Variants in ZCCHC4 observed in about 807,000 individuals in gnomAD.
ZCCHC4 encodes zinc finger CCHC-type containing 4.
In ZCCHC4, 54 loss-of-function variants were observed where a neutral mutation model predicts 67.7. That is an observed-to-expected ratio of 0.80 (90% CI 0.64 to 1.00). The LOEUF (loss-of-function observed/expected upper bound fraction) is 1.00. Among genes scored for constraint, ZCCHC4 ranks in the 50% least tolerant of loss-of-function variants. ZCCHC4 has a pLI of 0.00. For missense variants in ZCCHC4, 609 were observed against 617.0 expected, an observed-to-expected ratio of 0.99 and a Z score of 0.14; for synonymous variants, 198 against 213.5, an observed-to-expected ratio of 0.93 and a Z score of 0.63.
intron 8 of ZCCHC4, chr4:25,352,122 C>T (rs1046087902): frequency 2.1e-5 from 21 of 986,688 alleles, no homozygotes; most frequent in Non-Finnish European, 2.3e-5. Context: ...ATGCCATGCA[C>T]ACTTTACTGC....
chr4:25,364,425 A>G, intron 10 of ZCCHC4, 29 bp from the exon 11 acceptor site: 2 of 1,453,008 alleles, frequency 1.4e-6, no homozygotes, highest in South Asian at 1.5e-5. Context: ...AATTAATTAT[A>G]ATTTAAAAAT....
In ZCCHC4 at chr4:25,314,150, T is replaced by A. The variant is rs1331697952; in HGVS notation, c.232T>A (p.Trp78Arg). Reference sequence around the variant, plus strand: ...TAGAAAAGACTGTAATTTTTTTCAGTGGGAAGATGAAAAGGTATATCAACT... The same window carrying A: ...TAGAAAAGACTGTAATTTTTTTCAGAGGGAAGATGAAAAGGTATATCAACT... The part of the protein sequence containing the change: ...RDRKDCNFFQ[W>R]EDEKLSGARL... The change falls in exon 2 of 13, where the codon TGG (tryptophan) becomes AGG (arginine). Residue 78 changes from tryptophan (W) to arginine (R), a missense_variant. By Grantham distance (101) the Trp-to-Arg change is moderately radical. Coordinates refer to ENST00000302874, the MANE Select transcript of ZCCHC4 (RefSeq NM_024936.3). The A allele has an allele frequency of 6.3e-7, 1 of 1,592,852 alleles. No individual in the cohort carries two copies. The highest frequency in any genetic ancestry group is 1.7e-4 in the Middle Eastern group (1 of 5,970).
rs370408376 is a variant in ZCCHC4, at chr4:25,363,533, AAGTTT to A, written c.1210-915_1210-911del. On this transcript the variant is annotated intron_variant, in intron 10 of 12. Transcript: ENST00000302874. ...TAAATCTGGTCAGAAAGGGCCTGTG[AAGTTT>A]AGTTTGGCTCATAAACACAAATTAT... is the stretch of plus-strand genomic sequence containing the variant. 4.1e-4 allele frequency among the ~76,000 whole-genome samples: 63 copies of A among 152,302 alleles called. 1 individual carries two copies. In the East Asian group the frequency reaches 6.0e-3, roughly 14 times the overall value.
At chr4:25,318,803 G>GA (rs371011239) in intron 3 of ZCCHC4, among the ~76,000 whole-genome samples, 7 of 150,994 alleles carry the variant, frequency 4.6e-5, no homozygotes, top group African/African-American at 1.7e-4. Context: ...TTTTTGGGGG[G>GA]CCATAATTTC....
chr4:25,360,545 C>T (rs554022539), intron 8 of ZCCHC4, among the ~76,000 whole-genome samples: 13 of 152,188 alleles, frequency 8.5e-5, no homozygotes, highest in Non-Finnish European at 1.3e-4. Context: ...ATTGTGCATA[C>T]GACTTGCCTG....
At chr4:25,329,716 G>A (rs1719081510) in intron 3 of ZCCHC4, among the ~76,000 whole-genome samples, 1 of 151,838 alleles carries the variant, frequency 6.6e-6, no homozygotes, top group African/African-American at 2.4e-5. Context: ...TGTATTTTTA[G>A]TAGAGACAGG....
At chr4:25,356,780 A>G (rs2109087917) in intron 8 of ZCCHC4, among the ~76,000 whole-genome samples, 1 of 152,296 alleles carries the variant, frequency 6.6e-6, no homozygotes, top group Admixed American at 6.5e-5. Context: ...CATTAGGGGA[A>G]ACATTATGAA....
intron 1 of ZCCHC4, 109 bp downstream of exon 1, chr4:25,313,045 G>T: frequency 6.8e-7 from 1 of 1,473,360 alleles, no homozygotes; most frequent in East Asian, 2.3e-5. Flanking sequence ...TCCCTCACCA[G>T]TGTGCTGCCT....
At position 25,315,477 on chromosome 4, in the gene ZCCHC4, G is replaced by A. The variant is rs930283586; in HGVS notation, c.329+77G>A. The A allele has an allele frequency of 1.1e-5, 12 of 1,095,522 alleles. No homozygotes were observed. The Admixed American group carries it at 3.2e-4, about 29-fold the overall frequency. 67.9% of individuals were successfully genotyped at this position (1,095,522 alleles called of 1,614,324 possible). ...TTATTGCCTTTTTCTGTGCCTTTAAGTTTACTTTCATTTATTTATTTTTAT... is the reference window on the plus strand; with the variant it reads ...TTATTGCCTTTTTCTGTGCCTTTAAATTTACTTTCATTTATTTATTTTTAT... On this transcript the variant is annotated intron_variant, in intron 3 of 12. Coordinates refer to ENST00000302874, the MANE Select transcript of ZCCHC4 (RefSeq NM_024936.3).
At position 25,366,168 on chromosome 4, in the gene ZCCHC4, C is replaced by T. The variant is rs1055038384; in HGVS notation, c.1406+1002C>T. ...TTGTGGTCAGTGAAAATTTTTTTTT[C>T]CATTGTGGTCTAGCCACTTGAATTC... On this transcript the variant is annotated intron_variant, in intron 12 of 12. Coordinates refer to ENST00000302874, the MANE Select transcript of ZCCHC4 (RefSeq NM_024936.3). 7.1e-4 allele frequency: 698 copies of T among 982,284 alleles called. 1 individual carries two copies. The highest frequency in any genetic ancestry group is 8.2e-4 in the Non-Finnish European group (675 of 827,442). The allele number at this position is 982,284 out of a possible 1,614,324, so 60.8% of individuals were successfully genotyped here. A position where few individuals can be genotyped will look rare whatever the true frequency, so the allele number is the denominator to read the frequency against.
intron 3 of ZCCHC4, among the ~76,000 whole-genome samples, chr4:25,318,480 C>T (rs1371576245): frequency 6.6e-6 from 1 of 150,438 alleles, no homozygotes; most frequent in African/African-American, 2.4e-5. Context: ...TCAAGCCTCT[C>T]AGTAGCTGGG....
Position 25,361,954 on chromosome 4 carries a change from A to T in ZCCHC4, c.1107A>T (p.Ile369=), listed in dbSNP as rs758945807. Reference sequence around the variant, plus strand: ...TCACCAACATTCCGCCCAACAAAATAATCCTTCCTACTGAAGAAGGGTACA... The same window carrying T: ...TCACCAACATTCCGCCCAACAAAATTATCCTTCCTACTGAAGAAGGGTACA... ...RIFTNIPPNK[I]ILPTEEGYRF... Residue 369 remains isoleucine (I), a synonymous_variant, in exon 9 of 13, where the codon ATA becomes ATT. Transcript: ENST00000302874. 3 of 1,613,948 alleles carry T rather than the reference A, an allele frequency of 1.9e-6. No homozygotes were observed. Among genetic ancestry groups the T allele is most frequent in the Middle Eastern group, 1.6e-4 (1 of 6,082 alleles).
chr4:25,345,489 T>C, intron 5 of ZCCHC4, 59 bp from the exon 6 acceptor site: 1 of 944,630 alleles, frequency 1.1e-6, no homozygotes, highest in Admixed American at 2.6e-5. Flanking sequence ...TAAAATTTAG[T>C]TTATATTTGT....
chr4:25,312,857 C>T lies in ZCCHC4; in HGVS notation c.48C>T (p.Ser16=). Reference sequence around the variant, plus strand: ...TTGAAGCCGTGGAGGCAGAGGGCAGCGCAGGGTGCCGGGGAAGCTCGGGAA... The same window carrying T: ...TTGAAGCCGTGGAGGCAGAGGGCAGTGCAGGGTGCCGGGGAAGCTCGGGAA... ...NGFEAVEAEG[S]AGCRGSSGME... is the part of the protein sequence containing the mutation. The change falls in exon 1 of 13, where the codon AGC becomes AGT. Residue 16 remains serine (S), a synonymous_variant. Coordinates refer to ENST00000302874, the MANE Select transcript of ZCCHC4 (RefSeq NM_024936.3). 1 of 1,613,156 alleles carries T rather than the reference C, an allele frequency of 6.2e-7. No homozygotes were observed. The highest frequency in any genetic ancestry group is 8.5e-7 in the Non-Finnish European group (1 of 1,180,022).
intron 7 of ZCCHC4, among the ~76,000 whole-genome samples, chr4:25,350,670 A>G (rs1004843749): frequency 4.6e-5 from 7 of 152,202 alleles, no homozygotes; most frequent in Non-Finnish European, 7.3e-5. Context: ...TTTTGTGATC[A>G]TGCTTCTCCA....
intron 5 of ZCCHC4, among the ~76,000 whole-genome samples, chr4:25,335,948 C>G (rs902756778): frequency 6.6e-6 from 1 of 152,148 alleles, no homozygotes; most frequent in Non-Finnish European, 1.5e-5. Context: ...TTACTAACAT[C>G]TGCTTAACAT....
chr4:25,369,295 G>A lies in ZCCHC4; in HGVS notation c.*131G>A. ...CCTTTCTGAGCTAGATAACAGGCAG[G>A]TGGCATTTGCTGGTTTACAGTCCCT... On this transcript the variant is annotated 3_prime_UTR_variant, in exon 13 of 13. Coordinates refer to ENST00000302874, the MANE Select transcript of ZCCHC4 (RefSeq NM_024936.3). 1 of 1,319,480 alleles carries A rather than the reference G, an allele frequency of 7.6e-7. No individual in the cohort carries two copies. Among genetic ancestry groups the A allele is most frequent in the Non-Finnish European group, 1.0e-6 (1 of 959,296 alleles). 81.7% of individuals were successfully genotyped at this position (1,319,480 alleles called of 1,614,324 possible). A position where few individuals can be genotyped will look rare whatever the true frequency, so the allele number is the denominator to read the frequency against.
intron 12 of ZCCHC4, chr4:25,366,055 T>TA (rs2109096160): frequency 3.1e-6 from 3 of 977,298 alleles, no homozygotes; most frequent in East Asian, 1.1e-4. Context: ...ACTTGTAATT[T>TA]AAAAAAATTG....
At chr4:25,328,930 A>G (rs2109060254) in intron 3 of ZCCHC4, among the ~76,000 whole-genome samples, 1 of 152,314 alleles carries the variant, frequency 6.6e-6, no homozygotes, top group East Asian at 1.9e-4. Flanking sequence ...GCTCTTGCCT[A>G]TAATCCCAAG....
Sources: gnomAD v4.1 joint callset for allele counts (sites outside exome capture counted in the v4.1 genomes callset) on GRCh38, gnomAD v4.1.1 for gene constraint, MANE v1.5 for transcripts, NCBI Gene and HGNC (gene_info 2026-07-23, HGNC 2026-07-21) for gene names.